The following BRIX1 variants were observed in gnomAD, a reference collection of about 807,000 sequenced individuals.
BRIX1 encodes ribosome biogenesis protein BRX1 homolog.
BRIX1 carries 15 observed loss-of-function variants against 44.0 expected under a neutral mutation model. That is an observed-to-expected ratio of 0.34 (90% CI 0.23 to 0.53). The LOEUF (loss-of-function observed/expected upper bound fraction) is 0.53. BRIX1 is among the 20% of genes least tolerant of loss of function. The pLI is 0.95. For synonymous variants in BRIX1, 149 were observed against 135.4 expected (o/e 1.10, Z -0.70); for missense variants, 420 against 432.8 (o/e 0.97, Z 0.26).
At chr5:34,917,354 T>G (rs1268045542) in intron 1 of BRIX1, among the ~76,000 whole-genome samples, 1 of 152,066 alleles carries the variant, frequency 6.6e-6, no homozygotes, top group East Asian at 1.9e-4. Flanking sequence ...TTAAAAATGG[T>G]CCAGCGTGGT....
rs115464857 is a variant in BRIX1 at position 34,923,149 on chromosome 5, G to A, written c.578G>A (p.Arg193Gln). The A allele has an allele frequency of 2.2e-4, 358 of 1,613,564 alleles. No homozygotes were observed. In the African/African-American group the frequency reaches 4.0e-3, roughly 18 times the overall value. The stretch of plus-strand genomic sequence containing the variant: ...TTTAACTAGATCTTTAGTACACCAC[G>A]GTATCATCCCAAAAGCCAACCATTT... ...ELLIQIFSTP[R>Q]YHPKSQPFVD... The change falls in exon 8 of 10, where the codon CGG becomes CAG. Residue 193 changes from arginine (R) to glutamine (Q), a missense_variant. Transcript: ENST00000336767.
rs1462668163 is a variant in BRIX1 at position 34,915,721 on chromosome 5, C to G, written c.-18C>G. 5 of 1,589,610 alleles carry G rather than the reference C, an allele frequency of 3.1e-6. No individual in the cohort carries two copies. In the South Asian group the frequency reaches 3.4e-5, roughly 11 times the overall value. The stretch of plus-strand genomic sequence containing the variant: ...GCAGCGCCGGAAAGGAGGCCAAGAG[C>G]GCGGGCGGCGAGGCAAGATGGCGGC... On this transcript the variant is annotated 5_prime_UTR_variant, in exon 1 of 10. Coordinates refer to ENST00000336767, the MANE Select transcript of BRIX1 (RefSeq NM_018321.4).
chr5:34,918,354 T>A lies in BRIX1; in HGVS notation c.160-10T>A, dbSNP rs1016139452. ...ATTTTAAAATCTTTTAACATTTTCT[T>A]TTTCTTTAGGGAAAGTGGAAAAATA... On this transcript the variant is annotated splice_polypyrimidine_tract_variant and intron_variant, in intron 1 of 9. Coordinates refer to ENST00000336767, the MANE Select transcript of BRIX1 (RefSeq NM_018321.4). The A allele has an allele frequency of 1.5e-6, 2 of 1,324,940 alleles. No homozygotes were observed. The highest frequency in any genetic ancestry group is 2.2e-6 in the Non-Finnish European group (2 of 928,396). The allele number at this position is 1,324,940 out of a possible 1,614,324, so 82.1% of individuals were successfully genotyped here.
At chr5:34,916,295 G>A (rs897131415) in intron 1 of BRIX1, 8 of 156,094 alleles carry the variant, frequency 5.1e-5, no homozygotes, top group Middle Eastern at 3.0e-3. Flanking sequence ...GCCACTCTCA[G>A]TCAGGGATCC....
At chr5:34,920,854 GGTTT>G (rs368225605) in intron 3 of BRIX1, 240 of 151,880 alleles carry the variant, frequency 1.6e-3, no homozygotes, top group African/African-American at 5.4e-3. Context: ...AAGTTGTTAG[GGTTT>G]GTTTATTTGT....
chr5:34,916,213 T>C (rs941806474), intron 1 of BRIX1: 5 of 219,620 alleles, frequency 2.3e-5, no homozygotes, highest in Admixed American at 1.1e-4. Context: ...TTTTGGAGAG[T>C]AGTGCTTTTC....
At chr5:34,922,960 G>T (rs1330889352) in intron 6 of BRIX1, 41 bp from the exon 7 acceptor site, 1 of 1,355,036 alleles carries the variant, frequency 7.4e-7, no homozygotes, top group Non-Finnish European at 1.0e-6. Context: ...TTTAAACAAG[G>T]CAGTCTACTG....
In BRIX1 at chr5:34,915,756, G is replaced by A. The variant is rs756367210; in HGVS notation, c.18G>A (p.Arg6=). The A allele has an allele frequency of 2.5e-6, 4 of 1,603,708 alleles. No individual in the cohort carries two copies. Among genetic ancestry groups the A allele is most frequent in the South Asian group, 1.1e-5 (1 of 89,578 alleles). The change falls in exon 1 of 10, where the codon AGG becomes AGA. Residue 6 remains arginine, a synonymous_variant. Transcript: ENST00000336767. ...GAGGCAAGATGGCGGCAACCAAGAG[G>A]AAACGGCGTGGAGGCTTTGCAGTTC... MAATK[R]KRRGGFAVQA...
intron 8 of BRIX1, 67 bp downstream of exon 8, chr5:34,923,301 C>CTCTGTCTCAA: frequency 2.4e-6 from 3 of 1,269,892 alleles, no homozygotes; most frequent in Non-Finnish European, 3.4e-6. Context: ...TGTTTTGAGA[C>CTCTGTCTCAA]AGAGTCTCGC....
chr5:34,923,311 C>T, intron 8 of BRIX1, 77 bp downstream of exon 8: 1 of 1,182,488 alleles, frequency 8.5e-7, no homozygotes, highest in Non-Finnish European at 1.2e-6. Context: ...CAGAGTCTCG[C>T]TCTTGTTGCC....
Position 34,922,524 on chromosome 5 carries a change from C to T in BRIX1, c.387-15C>T, listed in dbSNP as rs779156143. ...TTTGCTAATTAGTTGAAAAAGCTTACTCCATATCTTTCAGGCTTTCAAATT... is the reference window on the plus strand; with the variant it reads ...TTTGCTAATTAGTTGAAAAAGCTTATTCCATATCTTTCAGGCTTTCAAATT... On this transcript the variant is annotated splice_polypyrimidine_tract_variant and intron_variant, in intron 4 of 9. Transcript: ENST00000336767. 3.8e-6 allele frequency: 6 copies of T among 1,574,212 alleles called. No homozygotes were observed. Among genetic ancestry groups the T allele is most frequent in the Admixed American group, 3.3e-5 (2 of 59,826 alleles).
chr5:34,916,071 G>A (rs1764075285), intron 1 of BRIX1, 174 bp downstream of exon 1: 1 of 704,108 alleles, frequency 1.4e-6, no homozygotes, highest in Admixed American at 3.8e-5. Flanking sequence ...GCTAATCCTT[G>A]TGCACGTGGC....
rs115091594 is a variant in BRIX1 at position 34,922,303 on chromosome 5, A to C, written c.386+16A>C. 326 of 1,488,036 alleles carry C rather than the reference A, an allele frequency of 2.2e-4. No individual in the cohort carries two copies. The African/African-American group carries it at 4.0e-3, about 18-fold the overall frequency. The allele number at this position is 1,488,036 out of a possible 1,614,324, so 92.2% of individuals were successfully genotyped here. On this transcript the variant is annotated intron_variant, in intron 4 of 9. Transcript: ENST00000336767. ...TCTATATGTGGTAAGAGAATGTATT[A>C]AGATTTTGGTTAAACTCATTTAAGT...
At chr5:34,917,664 CTG>C (rs1764146971) in intron 1 of BRIX1, among the ~76,000 whole-genome samples, 1 of 152,028 alleles carries the variant, frequency 6.6e-6, no homozygotes, top group African/African-American at 2.4e-5. Flanking sequence ...AAAAAGTAAA[CTG>C]TTGAAAAAGC....
chr5:34,918,346 C>T lies in BRIX1; in HGVS notation c.160-18C>T. 1.6e-6 allele frequency: 2 copies of T among 1,247,132 alleles called. No individual in the cohort carries two copies. The highest frequency in any genetic ancestry group is 1.2e-5 in the South Asian group (1 of 80,688). 77.3% of individuals were successfully genotyped at this position (1,247,132 alleles called of 1,614,324 possible). ...AGTATAAGATTTTAAAATCTTTTAACATTTTCTTTTTCTTTAGGGAAAGTG... is the reference window on the plus strand; with the variant it reads ...AGTATAAGATTTTAAAATCTTTTAATATTTTCTTTTTCTTTAGGGAAAGTG... On this transcript the variant is annotated intron_variant, in intron 1 of 9. Coordinates refer to ENST00000336767, the MANE Select transcript of BRIX1 (RefSeq NM_018321.4).
rs1159667644 is a variant in BRIX1, at chr5:34,923,126, T to A, written c.562-7T>A. ...AATAAGGAACTAACATACACTTTTT[T>A]AACTAGATCTTTAGTACACCACGGT... On this transcript the variant is annotated splice_polypyrimidine_tract_variant and splice_region_variant and intron_variant, in intron 7 of 9. Coordinates refer to ENST00000336767, the MANE Select transcript of BRIX1 (RefSeq NM_018321.4). 5.6e-6 allele frequency: 9 copies of A among 1,610,240 alleles called. No individual in the cohort carries two copies. Among genetic ancestry groups the A allele is most frequent in the African/African-American group, 1.3e-5 (1 of 74,844 alleles).
At position 34,923,205 on chromosome 5, in the gene BRIX1, G is replaced by C; in HGVS notation, c.634G>C (p.Asp212His). The C allele has an allele frequency of 1.9e-6, 3 of 1,613,782 alleles. No individual in the cohort carries two copies. Among genetic ancestry groups the C allele is most frequent in the Non-Finnish European group, 2.5e-6 (3 of 1,179,730 alleles). The change falls in exon 8 of 10, where the codon GAT (aspartate) becomes CAT (histidine). Residue 212 changes from aspartate (D) to histidine (H), a missense_variant. By Grantham distance (81) the Asp-to-His change is moderately conservative (BLOSUM62 -1). Transcript: ENST00000336767. ...VDHVFTFTIL[D>H]NRIWFRNFQI... is the part of the protein sequence containing the mutation. The stretch of plus-strand genomic sequence containing the variant: ...CCACGTGTTTACTTTCACCATTTTG[G>C]ATAATAGGATATGGTTTCGGAACTT...
chr5:34,924,577 A>G (rs1217890843), intron 8 of BRIX1, among the ~76,000 whole-genome samples: 1 of 152,224 alleles, frequency 6.6e-6, no homozygotes, highest in Admixed American at 6.5e-5. Flanking sequence ...TTTCAAGGAT[A>G]TATGCATTGT....
Position 34,915,867 on chromosome 5 carries a change from G to C in BRIX1, c.129G>C (p.Glu43Asp). 2 of 1,562,306 alleles carry C rather than the reference G, an allele frequency of 1.3e-6. No individual in the cohort carries two copies. The highest frequency in any genetic ancestry group is 1.7e-6 in the Non-Finnish European group (2 of 1,153,072). ...HATAEEVEEE[E>D]RDRIPGPVCK... ...CAGCAGAGGAGGTGGAGGAAGAAGA[G>C]AGGGACCGGATCCCAGGCCCCGTTT... is the stretch of plus-strand genomic sequence containing the variant. The change falls in exon 1 of 10, where the codon GAG becomes GAC. Residue 43 changes from glutamate (E) to aspartate (D), a missense_variant. By Grantham distance (45) the Glu-to-Asp change is conservative. Coordinates refer to ENST00000336767, the MANE Select transcript of BRIX1 (RefSeq NM_018321.4).
Sources: allele counts gnomAD v4.1 joint callset (sites outside exome capture counted in the v4.1 genomes callset), GRCh38; gene constraint gnomAD v4.1.1; transcripts MANE v1.5; gene names NCBI Gene and HGNC (gene_info 2026-07-23, HGNC 2026-07-21).